CFAP91: variants seen among roughly 807,000 people sequenced by gnomAD.
The protein encoded by CFAP91 is cilia and flagella associated protein 91.
Under a neutral mutation model 95.9 loss-of-function variants are expected in CFAP91, and 85 were observed. The ratio of observed to expected loss-of-function variants is 0.89; its 90% CI spans 0.74 to 1.06. CFAP91 has a LOEUF of 1.06. Among genes scored for constraint, CFAP91 ranks in the 50% least tolerant of loss-of-function variants. The pLI is 0.00. For missense variants in CFAP91, 962 were observed against 943.4 expected (o/e 1.02, Z -0.26); for synonymous variants, 335 against 327.5 (o/e 1.02, Z -0.25).
rs200705516 is a variant in CFAP91 at position 119,708,578 on chromosome 3, T to C, written c.360-13T>C. On this transcript the variant is annotated splice_polypyrimidine_tract_variant and intron_variant, in intron 3 of 17. Coordinates refer to ENST00000273390, the MANE Select transcript of CFAP91 (RefSeq NM_033364.4). ...ATTTTAGACTTGAATAATGTTTTCT[T>C]GCTTCATTTTAGAACTGACGCTTCT... The C allele has an allele frequency of 1.9e-6, 3 of 1,548,384 alleles. No homozygotes were observed. Among genetic ancestry groups the C allele is most frequent in the African/African-American group, 2.7e-5 (2 of 72,962 alleles).
chr3:119,707,480 C>G lies in CFAP91; in HGVS notation c.278C>G (p.Ser93Ter). The G allele has an allele frequency of 1.3e-6, 2 of 1,598,478 alleles. No individual in the cohort carries two copies. The highest frequency in any genetic ancestry group is 1.7e-6 in the Non-Finnish European group (2 of 1,169,228). ...YPRYSLYWSK[S>*]DPVPPFISRE... ...AGATATTCTCTATATTGGAGCAAGT[C>G]AGATCCTGTCCCACCATTTATCAGT... is the stretch of plus-strand genomic sequence containing the variant. The change falls in exon 3 of 18, where the codon TCA becomes TGA. Residue 93 changes from serine (S) to a stop codon, truncating the protein, a stop_gained. Coordinates refer to ENST00000273390, the MANE Select transcript of CFAP91 (RefSeq NM_033364.4). LOFTEE classifies it high-confidence loss of function.
intron 7 of CFAP91, among the ~76,000 whole-genome samples, chr3:119,729,630 C>G (rs539394110): frequency 6.7e-6 from 1 of 148,228 alleles, no homozygotes; most frequent in Non-Finnish European, 1.5e-5. Flanking sequence ...GGCAACAGAG[C>G]GAGACTCTGT....
intron 15 of CFAP91, 28 bp from the exon 16 acceptor site, chr3:119,747,783 A>G (rs759350889): frequency 6.3e-7 from 1 of 1,593,250 alleles, no homozygotes; most frequent in South Asian, 1.1e-5. Context: ...AACCAAAGAA[A>G]TAATTCAATT....
chr3:119,706,491 G>C, intron 1 of CFAP91: 1 of 237,626 alleles, frequency 4.2e-6, no homozygotes, highest in South Asian at 9.3e-5. Flanking sequence ...GGCTCAAAAG[G>C]AGTTTTGTTC....
intron 17 of CFAP91, among the ~76,000 whole-genome samples, chr3:119,759,159 A>G (rs550336090): frequency 6.6e-6 from 1 of 152,152 alleles, no homozygotes; most frequent in East Asian, 1.9e-4. Flanking sequence ...TAACACATGG[A>G]AGAATCTCAC....
At chr3:119,736,997 C>T (rs1375764111) in intron 10 of CFAP91, among the ~76,000 whole-genome samples, 5 of 152,166 alleles carry the variant, frequency 3.3e-5, no homozygotes, top group African/African-American at 1.2e-4. Flanking sequence ...CCACCATGCC[C>T]GGCTAATTTT....
intron 11 of CFAP91, among the ~76,000 whole-genome samples, chr3:119,738,846 G>C (rs1363610742): frequency 6.6e-6 from 1 of 152,156 alleles, no homozygotes; most frequent in East Asian, 1.9e-4. Flanking sequence ...ATTCTTGTGA[G>C]AAGTACCTTA....
At chr3:119,744,217 G>A (rs1331353128) in intron 14 of CFAP91, 21 bp downstream of exon 14, 2 of 1,577,056 alleles carry the variant, frequency 1.3e-6, no homozygotes, top group East Asian at 2.2e-5. Context: ...GCAGCTGGGT[G>A]TGTGGAAGCT....
chr3:119,746,101 C>T (rs1193856266), intron 14 of CFAP91, among the ~76,000 whole-genome samples: 5 of 152,104 alleles, frequency 3.3e-5, no homozygotes, highest in African/African-American at 7.2e-5. Context: ...ACCTGTAAAG[C>T]GGGCAAAACT....
chr3:119,748,137 C>A (rs965710729), intron 16 of CFAP91, among the ~76,000 whole-genome samples: 1 of 152,080 alleles, frequency 6.6e-6, no homozygotes, highest in South Asian at 2.1e-4. Flanking sequence ...AAATCCAAAC[C>A]TTGTTTAAAA....
chr3:119,757,715 GAC>G, intron 17 of CFAP91, among the ~76,000 whole-genome samples: 1 of 152,124 alleles, frequency 6.6e-6, no homozygotes, highest in East Asian at 1.9e-4. Context: ...TGGCCTAATG[GAC>G]ATTTATAGAA....
Position 119,750,941 on chromosome 3 carries a change from G to C in CFAP91, c.2148G>C (p.Arg716Ser), listed in dbSNP as rs765612078. The C allele has an allele frequency of 6.2e-7, 1 of 1,613,760 alleles. No homozygotes were observed. The highest frequency in any genetic ancestry group is 2.2e-5 in the East Asian group (1 of 44,896). Reference protein sequence around the residue: ...VQKYFVKEKVRNAQRKHILAA... With the variant: ...VQKYFVKEKVSNAQRKHILAA... ...TTTTCTATTACTTTGGCACAGTGAG[G>C]AACGCACAGCGGAAACATATTCTTG... The change falls in exon 17 of 18, where the codon AGG becomes AGC. Residue 716 changes from arginine to serine, a missense_variant. Transcript: ENST00000273390.
chr3:119,744,263 A>C, intron 14 of CFAP91, 67 bp downstream of exon 14: 282 of 1,253,068 alleles, frequency 2.3e-4, no homozygotes, highest in Middle Eastern at 5.5e-4. Context: ...AAGGAAGCTC[A>C]TGACATAAAA....
At chr3:119,704,381 G>A (rs1030895593) in intron 1 of CFAP91, among the ~76,000 whole-genome samples, 1 of 152,178 alleles carries the variant, frequency 6.6e-6, no homozygotes, top group African/African-American at 2.4e-5. Context: ...CGCTAGTCAT[G>A]GACAGGAAGC....
rs894477396 is a variant in CFAP91 at position 119,709,286 on chromosome 3, T to A, written c.444-553T>A. The stretch of plus-strand genomic sequence containing the variant: ...ATCTGTATAAGCTTCCTTGAGAAAG[T>A]AAATTTCTAATCCACATTATTATTT... On this transcript the variant is annotated intron_variant, in intron 4 of 17. Coordinates refer to ENST00000273390, the MANE Select transcript of CFAP91 (RefSeq NM_033364.4). Among the ~76,000 whole-genome samples, 9 of 152,238 alleles carry A rather than the reference T, an allele frequency of 5.9e-5. 1 individual carries two copies. Among genetic ancestry groups the A allele is most frequent in the African/African-American group, 2.2e-4 (9 of 41,466 alleles).
chr3:119,716,236 A>G (rs1333681491), intron 6 of CFAP91, among the ~76,000 whole-genome samples: 1 of 152,272 alleles, frequency 6.6e-6, no homozygotes, highest in Admixed American at 6.5e-5. Flanking sequence ...TTTCAGGCTC[A>G]GAAATTAACT....
intron 9 of CFAP91, 63 bp downstream of exon 9, chr3:119,732,539 A>G (rs1383549226): frequency 1.4e-5 from 15 of 1,106,406 alleles, no homozygotes; most frequent in Non-Finnish European, 1.8e-5. Context: ...ATGATTAAAT[A>G]TATAAAATGT....
chr3:119,724,223 TTTA>T (rs1038864582), intron 6 of CFAP91, among the ~76,000 whole-genome samples: 28 of 151,978 alleles, frequency 1.8e-4, no homozygotes, highest in Non-Finnish European at 3.1e-4. Flanking sequence ...AATGTTAGGT[TTTA>T]TTATTATTAT....
intron 1 of CFAP91, 81 bp from the exon 2 acceptor site, chr3:119,706,728 G>A: frequency 1.9e-6 from 2 of 1,047,608 alleles, no homozygotes; most frequent in Admixed American, 3.6e-5. Context: ...CCAATTAAGA[G>A]ATTACATTAC....
Sources: gnomAD v4.1 joint callset for allele counts (sites outside exome capture counted in the v4.1 genomes callset) on GRCh38, gnomAD v4.1.1 for gene constraint, MANE v1.5 for transcripts, NCBI Gene and HGNC (gene_info 2026-07-23, HGNC 2026-07-21) for gene names.